ELL: variants seen among roughly 807,000 people sequenced by gnomAD.
ELL encodes elongation factor for RNA polymerase II.
In ELL, 18 loss-of-function variants were observed where a neutral mutation model predicts 64.0. That is an observed-to-expected ratio of 0.28 (90% CI 0.19 to 0.42). ELL has a LOEUF of 0.42. Among genes scored for constraint, ELL ranks in the 10% least tolerant of loss-of-function variants. ELL has a pLI of 1.00. For missense variants in ELL, 797 were observed against 870.4 expected, an observed-to-expected ratio of 0.92 and a Z score of 1.06; for synonymous variants, 399 against 376.2, an observed-to-expected ratio of 1.06 and a Z score of -0.70.
Position 18,451,597 on chromosome 19 carries a change from G to A in ELL, c.921C>T (p.Ala307=), listed in dbSNP as rs531254951. 98 of 1,499,218 alleles carry A rather than the reference G, an allele frequency of 6.5e-5. No homozygotes were observed. The African/African-American group carries it at 8.7e-4, about 13-fold the overall frequency. 92.9% of individuals were successfully genotyped at this position (1,499,218 alleles called of 1,614,324 possible). A position where few individuals can be genotyped will look rare whatever the true frequency, so the allele number is the denominator to read the frequency against. Residue 307 remains alanine (A), a synonymous_variant, in exon 7 of 12, where the codon GCC becomes GCT. Transcript: ENST00000262809. ...GCCCACGCTCGCCTGGGGGGCTGGA[G>A]GCAGCAGGGTCTCCAAGGAGGCTGC... ...STGSLLGDPA[A]SSPPGERGRS... is the part of the protein sequence containing the mutation.
At position 18,449,577 on chromosome 19, in the gene ELL, G is replaced by A. The variant is rs1224890914; in HGVS notation, c.1465+900C>T. Among the ~76,000 whole-genome samples, 1 of 152,164 alleles carries A rather than the reference G, an allele frequency of 6.6e-6. No homozygotes were observed. The highest frequency in any genetic ancestry group is 1.9e-4 in the East Asian group (1 of 5,188). ...TGAGCAACGCAAAGCTATAATGAAAGAAGGGCTCCCACCCTCATCCCAGGA... is the reference window on the plus strand; with the variant it reads ...TGAGCAACGCAAAGCTATAATGAAAAAAGGGCTCCCACCCTCATCCCAGGA... On this transcript the variant is annotated intron_variant, in intron 8 of 11. Transcript: ENST00000262809. The surrounding 1 kb of genome is among the most constrained non-coding windows in gnomAD (Gnocchi z 4.4).
intron 1 of ELL, among the ~76,000 whole-genome samples, chr19:18,521,633 G>GGACGCCGCCAGGTGCCGACACC: frequency 6.6e-6 from 1 of 152,120 alleles, no homozygotes; most frequent in East Asian, 1.9e-4. Flanking sequence ...GAAAGGCCCC[G>GGACGCCGCCAGGTGCCGACACC]GACGCCGCCA....
intron 1 of ELL, among the ~76,000 whole-genome samples, chr19:18,521,299 A>C (rs1219544994): frequency 1.3e-5 from 2 of 151,838 alleles, no homozygotes; most frequent in Non-Finnish European, 2.9e-5. Flanking sequence ...TTCTGCCCAA[A>C]CTCCCCGTCC....
At chr19:18,487,529 C>G (rs1456762090) in intron 1 of ELL, among the ~76,000 whole-genome samples, 1 of 152,226 alleles carries the variant, frequency 6.6e-6, no homozygotes, top group Non-Finnish European at 1.5e-5. Flanking sequence ...AACCAGCCCA[C>G]TTTTAACTTT....
intron 1 of ELL, among the ~76,000 whole-genome samples, chr19:18,489,686 CCT>C (rs1401177674): frequency 1.3e-5 from 2 of 152,304 alleles, no homozygotes; most frequent in African/African-American, 4.8e-5. Context: ...CTGTGTGACC[CCT>C]GTGCCTACTG....
At chr19:18,464,524 G>A (rs976012647) in intron 4 of ELL, among the ~76,000 whole-genome samples, 2 of 152,194 alleles carry the variant, frequency 1.3e-5, no homozygotes, top group Admixed American at 1.3e-4. Context: ...TGTTGACCAG[G>A]AAGACCAACC....
chr19:18,517,790 G>A (rs758323910), intron 1 of ELL, among the ~76,000 whole-genome samples: 1 of 151,538 alleles, frequency 6.6e-6, no homozygotes, highest in African/African-American at 2.4e-5. Flanking sequence ...GGGCAGCTGA[G>A]GTGGGAAGAT....
intron 2 of ELL, among the ~76,000 whole-genome samples, chr19:18,469,876 G>A (rs1455211767): frequency 2.6e-5 from 4 of 152,262 alleles, no homozygotes; most frequent in African/African-American, 7.2e-5. Flanking sequence ...ACCCCAGACA[G>A]GAGCTTGGGC....
chr19:18,492,811 C>G (rs1376004018), intron 1 of ELL, among the ~76,000 whole-genome samples: 1 of 152,106 alleles, frequency 6.6e-6, no homozygotes, highest in East Asian at 1.9e-4. Flanking sequence ...GCCCTCTAAG[C>G]GGCATGGCCT....
chr19:18,510,995 C>T (rs931559187), intron 1 of ELL, among the ~76,000 whole-genome samples: 14 of 152,086 alleles, frequency 9.2e-5, no homozygotes, highest in African/African-American at 3.4e-4. Context: ...GGGCCGGGTG[C>T]GGTGGCTCAT....
intron 1 of ELL, among the ~76,000 whole-genome samples, chr19:18,491,509 C>T (rs957509299): frequency 1.2e-4 from 19 of 152,124 alleles, no homozygotes; most frequent in African/African-American, 4.6e-4. Context: ...GGCAGAAGGA[C>T]TCTAGGCTTG....
intron 1 of ELL, among the ~76,000 whole-genome samples, chr19:18,478,844 G>C (rs1189041029): frequency 6.6e-6 from 1 of 152,242 alleles, no homozygotes; most frequent in African/African-American, 2.4e-5. Flanking sequence ...ACACAGACTG[G>C]GAGACTCCTG....
chr19:18,494,810 C>G (rs1356045983), intron 1 of ELL, among the ~76,000 whole-genome samples: 1 of 152,198 alleles, frequency 6.6e-6, no homozygotes, highest in Non-Finnish European at 1.5e-5. Flanking sequence ...CTTCCTGTCT[C>G]TGCCTTCAGA....
In ELL at chr19:18,458,670, C is replaced by T. The variant is rs367602603; in HGVS notation, c.745-341G>A. 5.9e-5 allele frequency among the ~76,000 whole-genome samples: 9 copies of T among 152,290 alleles called. No homozygotes were observed. The East Asian group carries it at 1.5e-3, about 26-fold the overall frequency. ...TCACCTGCCCCCTGGCCCCTCTAGC[C>T]TGCTTTTTTTCCTTTTTTGATACAA... On this transcript the variant is annotated intron_variant, in intron 5 of 11. Coordinates refer to ENST00000262809, the MANE Select transcript of ELL (RefSeq NM_006532.4).
At chr19:18,471,237 T>C in intron 2 of ELL, 1 of 359,616 alleles carries the variant, frequency 2.8e-6, no homozygotes, top group Admixed American at 3.8e-5. Context: ...TTGCCTAGCA[T>C]GGTAGTGTAC....
chr19:18,451,591 G>A lies in ELL; in HGVS notation c.927C>T (p.Ser309=), dbSNP rs778001364. 8.0e-6 allele frequency: 12 copies of A among 1,498,490 alleles called. No individual in the cohort carries two copies. Among genetic ancestry groups the A allele is most frequent in the South Asian group, 3.8e-5 (3 of 78,380 alleles). The allele number at this position is 1,498,490 out of a possible 1,614,324, so 92.8% of individuals were successfully genotyped here. A position where few individuals can be genotyped will look rare whatever the true frequency, so the allele number is the denominator to read the frequency against. ...CCGAGCGCCCACGCTCGCCTGGGGG[G>A]CTGGAGGCAGCAGGGTCTCCAAGGA... The part of the protein sequence containing the change: ...GSLLGDPAAS[S]PPGERGRSAS... Residue 309 remains serine (S), a synonymous_variant, in exon 7 of 12, where the codon AGC becomes AGT. Coordinates refer to ENST00000262809, the MANE Select transcript of ELL (RefSeq NM_006532.4).
intron 3 of ELL, 51 bp from the exon 4 acceptor site, chr19:18,465,626 G>T (rs1206677023): frequency 6.6e-7 from 1 of 1,515,412 alleles, no homozygotes; most frequent in South Asian, 1.3e-5. Flanking sequence ...AATGCAGGGA[G>T]GATCCGTTGA....
At position 18,470,510 on chromosome 19, in the gene ELL, G is replaced by A. The variant is rs549420661; in HGVS notation, c.183+2325C>T. On this transcript the variant is annotated intron_variant, in intron 2 of 11. Transcript: ENST00000262809. ...CCTCTGACCCCTGAGAGAATGTCCT[G>A]GGGAAGGTAAAAAGGAGGTGGCCAA... Among the ~76,000 whole-genome samples, 13 of 152,386 alleles carry A rather than the reference G, an allele frequency of 8.5e-5. 1 individual carries two copies. In the South Asian group the frequency reaches 2.5e-3, roughly 29 times the overall value.
At chr19:18,482,823 A>G (rs1975334076) in intron 1 of ELL, among the ~76,000 whole-genome samples, 1 of 149,280 alleles carries the variant, frequency 6.7e-6, no homozygotes, top group African/African-American at 2.5e-5. Context: ...ACAGGGCCTC[A>G]CTCTGTTGCC....
Sources: allele counts gnomAD v4.1 joint callset (sites outside exome capture counted in the v4.1 genomes callset), GRCh38; gene constraint gnomAD v4.1.1; non-coding constraint Gnocchi (gnomAD v3.1); transcripts MANE v1.5; gene names NCBI Gene and HGNC (gene_info 2026-07-23, HGNC 2026-07-21).